LEMD1: variants seen among roughly 807,000 people sequenced by gnomAD.
LEMD1 encodes LEM domain containing 1, also known as LEM domain-containing protein 1.
In LEMD1, 18 loss-of-function variants were observed where a neutral mutation model predicts 17.4. The observed-to-expected ratio is 1.04, with a 90% CI of 0.72 to 1.54. LEMD1 has a LOEUF of 1.54. Ranked by LOEUF, LEMD1 falls within the 40% of genes most tolerant of loss-of-function variation. The pLI, the probability that LEMD1 is intolerant of heterozygous loss-of-function variation, is 0.00. For missense variants in LEMD1, 195 were observed against 210.4 expected (o/e 0.93, Z 0.45); for synonymous variants, 88 against 77.8 (o/e 1.13, Z -0.69).
chr1:205,432,087 G>A (rs1375266603), intron 1 of LEMD1, among the ~76,000 whole-genome samples: 3 of 152,198 alleles, frequency 2.0e-5, no homozygotes, highest in African/African-American at 2.4e-5. Flanking sequence ...GTGGTGGGGT[G>A]TGACAGATAA....
At chr1:205,415,871 G>A (rs1449869699) in intron 4 of LEMD1, among the ~76,000 whole-genome samples, 4 of 152,130 alleles carry the variant, frequency 2.6e-5, no homozygotes, top group Non-Finnish European at 2.9e-5. Context: ...AAAAGCGAAC[G>A]GGATGGAAAC....
intron 1 of LEMD1, among the ~76,000 whole-genome samples, chr1:205,442,008 T>C (rs1446266650): frequency 2.0e-5 from 3 of 152,194 alleles, no homozygotes; most frequent in Non-Finnish European, 4.4e-5. Flanking sequence ...CATTTAGGTT[T>C]CCCTAGCCTT....
intron 3 of LEMD1, among the ~76,000 whole-genome samples, chr1:205,418,836 A>C (rs190310401): frequency 1.0e-3 from 156 of 152,310 alleles, no homozygotes; most frequent in African/African-American, 3.3e-3. Flanking sequence ...CTTAATAGGC[A>C]TAAAATCATT....
chr1:205,381,437 T>G lies in LEMD1; in HGVS notation c.*221A>C, dbSNP rs1328675683. On this transcript the variant is annotated 3_prime_UTR_variant, in exon 6 of 6. Coordinates refer to ENST00000367153, the MANE Select transcript of LEMD1 (RefSeq NM_001199050.2). The stretch of plus-strand genomic sequence containing the variant: ...ACCTTTAATGAGAGTTGACATGACT[T>G]GGGGGATTTCCTAACCATCATGCTC... 1.7e-6 allele frequency: 1 copy of G among 575,794 alleles called. No individual in the cohort carries two copies. Among genetic ancestry groups the G allele is most frequent in the Non-Finnish European group, 3.1e-6 (1 of 322,628 alleles). The allele number at this position is 575,794 out of a possible 1,614,324, so 35.7% of individuals were successfully genotyped here.
chr1:205,438,371 G>A (rs1333224846), intron 1 of LEMD1, among the ~76,000 whole-genome samples: 3 of 152,234 alleles, frequency 2.0e-5, no homozygotes, highest in Non-Finnish European at 4.4e-5. Context: ...GAGAGAGGAT[G>A]GGAAGGCAGG....
At chr1:205,408,065 G>A (rs1234191099) in intron 4 of LEMD1, among the ~76,000 whole-genome samples, 2 of 144,108 alleles carry the variant, frequency 1.4e-5, no homozygotes, top group African/African-American at 5.1e-5. Flanking sequence ...AGAAGGAAGA[G>A]ATGACAACTA....
At chr1:205,444,343 A>G (rs1331733883) in intron 1 of LEMD1, among the ~76,000 whole-genome samples, 1 of 151,786 alleles carries the variant, frequency 6.6e-6, no homozygotes, top group Non-Finnish European at 1.5e-5. Context: ...CAGGTCCAAG[A>G]TGGTTTACGG....
In LEMD1 at chr1:205,405,397, C is replaced by T. The variant is rs555775545; in HGVS notation, c.270+10835G>A. On this transcript the variant is annotated intron_variant, in intron 4 of 5. Transcript: ENST00000367153. The stretch of plus-strand genomic sequence containing the variant: ...TCCCATATTTCTTGGAGGCTTTGTT[C>T]GTTTCTTTTTATTCTTTTTTCTCTA... 4.7e-5 allele frequency among the ~76,000 whole-genome samples: 7 copies of T among 150,064 alleles called. No individual in the cohort carries two copies. In the East Asian group the frequency reaches 9.7e-4, roughly 21 times the overall value.
rs1472030652 is a variant in LEMD1, at chr1:205,434,347, A to AT, written c.-38-13774_-38-13773insA. 1.7e-3 allele frequency among the ~76,000 whole-genome samples: 222 copies of AT among 131,784 alleles called. 2 individuals carry two copies. In the Middle Eastern group the frequency reaches 0.08, roughly 47 times the overall value. 86.5% of individuals were successfully genotyped at this position (131,784 alleles called of 152,430 possible). On this transcript the variant is annotated intron_variant, in intron 1 of 3. Transcript: ENST00000367154. ...CTACCATGCCTGGCTAAGTAAAAAA[A>AT]AATATATATATATATTATATATATA...
intron 4 of LEMD1, among the ~76,000 whole-genome samples, chr1:205,407,331 A>AC (rs1665164115): frequency 7.2e-6 from 1 of 139,776 alleles, no homozygotes; most frequent in Non-Finnish European, 1.6e-5. Context: ...CCCCATCTCA[A>AC]AAAAAAAAAA....
At chr1:205,445,862 G>T (rs1666380652) in intron 1 of LEMD1, among the ~76,000 whole-genome samples, 4 of 152,212 alleles carry the variant, frequency 2.6e-5, no homozygotes. Flanking sequence ...TGGGGAGAGA[G>T]ACTTTTTTTC....
chr1:205,433,475 A>G (rs553781133), intron 1 of LEMD1, among the ~76,000 whole-genome samples: 3 of 152,136 alleles, frequency 2.0e-5, no homozygotes, highest in Non-Finnish European at 4.4e-5. Context: ...GAAAAATAAT[A>G]TTAAATTGTG....
chr1:205,384,469 T>A (rs1663890754), intron 4 of LEMD1, 105 bp from the exon 5 acceptor site: 1 of 635,732 alleles, frequency 1.6e-6, no homozygotes, highest in Non-Finnish European at 2.5e-6. Flanking sequence ...CCAAAAGTTC[T>A]TGGCACATTA....
At chr1:205,431,034 T>C (rs979929599) in intron 1 of LEMD1, among the ~76,000 whole-genome samples, 2 of 152,122 alleles carry the variant, frequency 1.3e-5, no homozygotes, top group African/African-American at 4.8e-5. Flanking sequence ...AGGAAGAGAC[T>C]TGTCCTAGAG....
chr1:205,406,603 A>G (rs11240469), intron 4 of LEMD1, among the ~76,000 whole-genome samples: 49,621 of 152,040 alleles, frequency 0.33, 8,689 homozygotes, highest in African/African-American at 0.45. Context: ...TCCAGGTGCC[A>G]TCTGTCACCC....
upstream of LEMD1, among the ~76,000 whole-genome samples, chr1:205,423,234 A>G (rs1394832772): frequency 6.6e-6 from 1 of 152,236 alleles, no homozygotes; most frequent in Non-Finnish European, 1.5e-5. Context: ...ATGGCTCCAC[A>G]GTTTCTGAAT....
chr1:205,400,126 G>C (rs960461384), intron 4 of LEMD1, among the ~76,000 whole-genome samples: 3 of 152,176 alleles, frequency 2.0e-5, no homozygotes, highest in African/African-American at 7.2e-5. Context: ...GAGTGCAAAG[G>C]TGCAATCTCA....
At chr1:205,410,449 A>G (rs1665334895) in intron 4 of LEMD1, among the ~76,000 whole-genome samples, 1 of 152,202 alleles carries the variant, frequency 6.6e-6, no homozygotes, top group Admixed American at 6.5e-5. Flanking sequence ...TCTAAGCATC[A>G]TCTCTCAAGA....
chr1:205,388,629 C>T (rs555414723), intron 4 of LEMD1, among the ~76,000 whole-genome samples: 1 of 152,306 alleles, frequency 6.6e-6, no homozygotes, highest in South Asian at 2.1e-4. Flanking sequence ...AATTTAAACC[C>T]AGATATTCTG....
Sources: allele counts gnomAD v4.1 joint callset (sites outside exome capture counted in the v4.1 genomes callset), GRCh38; gene constraint gnomAD v4.1.1; transcripts MANE v1.5; gene names NCBI Gene and HGNC (gene_info 2026-07-23, HGNC 2026-07-21).